Variants in HCN1 observed in about 807,000 individuals in gnomAD.
HCN1 encodes the protein potassium/sodium hyperpolarization-activated cyclic nucleotide-gated channel 1.
Under a neutral mutation model 78.9 loss-of-function variants are expected in HCN1, and 13 were observed. The observed-to-expected ratio is 0.16, with a 90% CI of 0.11 to 0.26. HCN1 has a LOEUF of 0.26. HCN1 is among the 10% of genes least tolerant of loss of function. The pLI, the probability that HCN1 is intolerant of heterozygous loss-of-function variation, is 1.00. For missense variants in HCN1, 810 were observed against 1,154.3 expected, an observed-to-expected ratio of 0.70 and a Z score of 4.32; for synonymous variants, 552 against 455.5, an observed-to-expected ratio of 1.21 and a Z score of -2.70.
chr5:45,561,323 T>C (rs771765454), intron 2 of HCN1, among the ~76,000 whole-genome samples: 11 of 152,070 alleles, frequency 7.2e-5, no homozygotes, highest in Non-Finnish European at 1.2e-4. Flanking sequence ...TGGCATATTA[T>C]TTATTGAATA....
intron 4 of HCN1, among the ~76,000 whole-genome samples, chr5:45,381,056 C>T (rs1747799046): frequency 2.0e-5 from 3 of 151,998 alleles, no homozygotes; most frequent in Non-Finnish European, 1.5e-5. Context: ...TTGAAGGCAA[C>T]AAAACTAGAT....
intron 3 of HCN1, among the ~76,000 whole-genome samples, chr5:45,405,927 C>T (rs1739908981): frequency 6.6e-6 from 1 of 152,004 alleles, no homozygotes; most frequent in African/African-American, 2.4e-5. Context: ...TCTAAGTGTA[C>T]TTTTTCTTGC....
At chr5:45,318,389 G>A (rs1450767690) in intron 5 of HCN1, among the ~76,000 whole-genome samples, 1 of 152,014 alleles carries the variant, frequency 6.6e-6, no homozygotes, top group Non-Finnish European at 1.5e-5. Context: ...ACAGAAAGGG[G>A]AACATCACAC....
At chr5:45,315,639 A>G (rs2111925515) in intron 5 of HCN1, among the ~76,000 whole-genome samples, 1 of 152,302 alleles carries the variant, frequency 6.6e-6, no homozygotes, top group South Asian at 2.1e-4. Flanking sequence ...GGTTTTTGAA[A>G]AGATCAAGAA....
At chr5:45,336,159 G>A (rs145952264) in intron 5 of HCN1, among the ~76,000 whole-genome samples, 2 of 152,118 alleles carry the variant, frequency 1.3e-5, no homozygotes, top group African/African-American at 4.8e-5. Context: ...AGCCAGGTCA[G>A]GCAGCAACTG....
At chr5:45,680,016 T>C (rs970616867) in intron 1 of HCN1, among the ~76,000 whole-genome samples, 7 of 152,116 alleles carry the variant, frequency 4.6e-5, no homozygotes, top group African/African-American at 1.2e-4. Flanking sequence ...TTAACAAGCA[T>C]GATAAAGTTA....
intron 2 of HCN1, among the ~76,000 whole-genome samples, chr5:45,604,433 G>A (rs750085788): frequency 3.0e-4 from 46 of 151,768 alleles, no homozygotes; most frequent in Non-Finnish European, 6.2e-4. Context: ...GAAAGTCTGT[G>A]CTTTTGACAC....
At chr5:45,582,653 G>C (rs1744106233) in intron 2 of HCN1, among the ~76,000 whole-genome samples, 1 of 152,134 alleles carries the variant, frequency 6.6e-6, no homozygotes, top group African/African-American at 2.4e-5. Context: ...TATTGGCTGT[G>C]GGTTTGTCAT....
chr5:45,663,091 A>C (rs1745953585), intron 1 of HCN1, among the ~76,000 whole-genome samples: 1 of 149,874 alleles, frequency 6.7e-6, no homozygotes, highest in Non-Finnish European at 1.5e-5. Context: ...ACAGCATGGT[A>C]CTGGTACCAA....
At chr5:45,454,671 G>T (rs1740988683) in intron 3 of HCN1, among the ~76,000 whole-genome samples, 1 of 151,720 alleles carries the variant, frequency 6.6e-6, no homozygotes, top group Non-Finnish European at 1.5e-5. Context: ...TCATTTCTTC[G>T]TAATATTACT....
intron 4 of HCN1, among the ~76,000 whole-genome samples, chr5:45,391,099 A>G (rs886463072): frequency 6.6e-6 from 1 of 152,068 alleles, no homozygotes; most frequent in Admixed American, 6.6e-5. Context: ...TTTTTGACTA[A>G]GGTACTATGT....
chr5:45,477,063 T>C (rs1020478809), intron 2 of HCN1, among the ~76,000 whole-genome samples: 6 of 152,154 alleles, frequency 3.9e-5, no homozygotes, highest in Admixed American at 6.6e-5. Context: ...CATCAGGACA[T>C]AATTTCAAAA....
chr5:45,547,740 CTG>C (rs1215678621), intron 2 of HCN1, among the ~76,000 whole-genome samples: 1 of 151,772 alleles, frequency 6.6e-6, no homozygotes, highest in Non-Finnish European at 1.5e-5. Context: ...TATGTGTCAT[CTG>C]TGAATTTGAT....
At chr5:45,287,411 C>G (rs753468173) in intron 6 of HCN1, among the ~76,000 whole-genome samples, 2 of 151,864 alleles carry the variant, frequency 1.3e-5, no homozygotes, top group Non-Finnish European at 2.9e-5. Context: ...CATTTTACTT[C>G]TAAAGCATAT....
chr5:45,684,109 A>C (rs550084885), intron 1 of HCN1, among the ~76,000 whole-genome samples: 1 of 152,216 alleles, frequency 6.6e-6, no homozygotes, highest in Non-Finnish European at 1.5e-5. Flanking sequence ...GGTTCCAAAA[A>C]TAAATGTGCT....
intron 2 of HCN1, among the ~76,000 whole-genome samples, chr5:45,517,541 A>C (rs1742536949): frequency 1.3e-5 from 2 of 151,010 alleles, no homozygotes; most frequent in African/African-American, 4.8e-5. Context: ...AAAAAAAAAA[A>C]AAACATGATT....
At chr5:45,288,405 C>T (rs1745308917) in intron 6 of HCN1, among the ~76,000 whole-genome samples, 1 of 151,758 alleles carries the variant, frequency 6.6e-6, no homozygotes. Context: ...AACAACCTGG[C>T]AAAAAAGAAT....
intron 4 of HCN1, among the ~76,000 whole-genome samples, chr5:45,391,172 A>G (rs1739554345): frequency 6.6e-6 from 1 of 152,184 alleles, no homozygotes; most frequent in Admixed American, 6.5e-5. Flanking sequence ...AGAATTATGA[A>G]GGAAACCAAG....
At chr5:45,683,165 C>A (rs547871258) in intron 1 of HCN1, among the ~76,000 whole-genome samples, 1 of 151,068 alleles carries the variant, frequency 6.6e-6, no homozygotes, top group Non-Finnish European at 1.5e-5. Context: ...AAATTTAAAC[C>A]TAACTTTGGA....
Sources: allele counts gnomAD v4.1 joint callset (sites outside exome capture counted in the v4.1 genomes callset), GRCh38; gene constraint gnomAD v4.1.1; transcripts MANE v1.5; gene names NCBI Gene and HGNC (gene_info 2026-07-23, HGNC 2026-07-21).